The following OR6C4 variants were observed in gnomAD, a reference collection of about 807,000 sequenced individuals.
OR6C4 encodes the protein olfactory receptor family 6 subfamily C member 4.
A neutral mutation model predicts 15.1 loss-of-function variants in OR6C4; 20 were observed. That is an observed-to-expected ratio of 1.32 (90% CI 0.93 to 1.92). The LOEUF (loss-of-function observed/expected upper bound fraction) is 1.92. Ranked by LOEUF, OR6C4 falls within the 30% of genes most tolerant of loss-of-function variation. The probability of loss-of-function intolerance (pLI) is 0.00; values close to 1 mark genes in which losing one functional copy is unlikely to be tolerated. For synonymous variants in OR6C4, 179 were observed against 134.2 expected (o/e 1.33, Z -2.31); for missense variants, 491 against 363.2 (o/e 1.35, Z -2.86).
At position 55,550,065 on chromosome 12, in the gene OR6C4, A is replaced by G. The variant is rs1409641303; in HGVS notation, c.-72A>G. On this transcript the variant is annotated 5_prime_UTR_variant, in exon 1 of 2. An upstream start codon of the reference 5' UTR is lost. Coordinates refer to ENST00000641569, the MANE Select transcript of OR6C4 (RefSeq NM_001005494.2). ...TCATTCTATAAATGTGGATCATGAA[A>G]TGAATCAACTGTGAAAATCTGGAAG... The G allele has an allele frequency of 2.0e-5, 3 of 152,216 alleles. No individual in the cohort carries two copies. The highest frequency in any genetic ancestry group is 2.9e-5 in the Non-Finnish European group (2 of 68,030). The allele number at this position is 152,216 out of a possible 1,614,324, so 9.4% of individuals were successfully genotyped here. A position where few individuals can be genotyped will look rare whatever the true frequency, so the allele number is the denominator to read the frequency against.
chr12:55,555,162 G>C lies in OR6C4; in HGVS notation c.*3006G>C, dbSNP rs540293231. The C allele has an allele frequency of 6.6e-6, 1 of 152,168 alleles. No homozygotes were observed. Among genetic ancestry groups the C allele is most frequent in the African/African-American group, 2.4e-5 (1 of 41,526 alleles). 9.4% of individuals were successfully genotyped at this position (152,168 alleles called of 1,614,324 possible). A position where few individuals can be genotyped will look rare whatever the true frequency, so the allele number is the denominator to read the frequency against. ...AAGGCTGAAGCACAAGAATCACTTG[G>C]AGTACAAGTGGCCTTTTGTTACATC... is the stretch of plus-strand genomic sequence containing the variant. On this transcript the variant is annotated 3_prime_UTR_variant, in exon 2 of 2. Coordinates refer to ENST00000641569, the MANE Select transcript of OR6C4 (RefSeq NM_001005494.2).
At position 55,551,914 on chromosome 12, in the gene OR6C4, C is replaced by A. The variant is rs143772830; in HGVS notation, c.688C>A (p.Gln230Lys). 1,681 of 1,613,750 alleles carry A rather than the reference C, an allele frequency of 1.0e-3. 20 individuals carry two copies. In the African/African-American group the frequency reaches 0.019, roughly 19 times the overall value. Residue 230 changes from glutamine (Q) to lysine (K), a missense_variant, in exon 2 of 2, where the codon CAG becomes AAG. Coordinates refer to ENST00000641569, the MANE Select transcript of OR6C4 (RefSeq NM_001005494.2). ...GACTATTCTGAGGATCCCTTCTGCC[C>A]AGCAAAGGACAAAGGCCTTTTCCAC... ...IRTILRIPSA[Q>K]QRTKAFSTCS... is the part of the protein sequence containing the mutation.
rs765422792 is a variant in OR6C4, at chr12:55,551,713, C to A, written c.487C>A (p.Gln163Lys). The A allele has an allele frequency of 6.2e-7, 1 of 1,613,874 alleles. No homozygotes were observed. The highest frequency in any genetic ancestry group is 8.5e-7 in the Non-Finnish European group (1 of 1,179,900). The change falls in exon 2 of 2, where the codon CAG becomes AAG. Residue 163 changes from glutamine to lysine, a missense_variant. Coordinates refer to ENST00000641569, the MANE Select transcript of OR6C4 (RefSeq NM_001005494.2). ...CTTACCACCAATCATCCTGATGACC[C>A]AGGTAGATTTCTGTGTCTCCAACAT... ...AILPPIILMT[Q>K]VDFCVSNILN...
intron 1 of OR6C4, among the ~76,000 whole-genome samples, chr12:55,550,721 G>A (rs112129706): frequency 2.0e-5 from 3 of 152,262 alleles, no homozygotes; most frequent in African/African-American, 7.2e-5. Context: ...GGATGTCAGA[G>A]ATTTGGACAG....
intron 1 of OR6C4, among the ~76,000 whole-genome samples, chr12:55,550,770 C>T (rs1009997177): frequency 4.6e-5 from 7 of 151,924 alleles, no homozygotes; most frequent in African/African-American, 1.7e-4. Context: ...TCCAGTGAGG[C>T]ATCAAATAGT....
At chr12:55,550,586 A>G (rs1384283799) in intron 1 of OR6C4, among the ~76,000 whole-genome samples, 2 of 152,316 alleles carry the variant, frequency 1.3e-5, no homozygotes, top group East Asian at 3.9e-4. Flanking sequence ...GAAACATAAA[A>G]TGTAAATTAA....
chr12:55,552,120 T>C lies in OR6C4; in HGVS notation c.894T>C (p.Ala298=). The part of the protein sequence containing the change: ...YTLRNQQVKQ[A]FKDSVKKIVK... ...TAAGAAATCAGCAAGTGAAACAAGC[T>C]TTCAAGGACTCAGTCAAAAAGATTG... Residue 298 remains alanine (A), a synonymous_variant, in exon 2 of 2, where the codon GCT becomes GCC. Coordinates refer to ENST00000641569, the MANE Select transcript of OR6C4 (RefSeq NM_001005494.2). The C allele has an allele frequency of 6.2e-7, 1 of 1,604,684 alleles. No homozygotes were observed. Among genetic ancestry groups the C allele is most frequent in the Admixed American group, 1.7e-5 (1 of 57,442 alleles).
chr12:55,555,175 C>T lies in OR6C4; in HGVS notation c.*3019C>T, dbSNP rs1005510533. 8 of 152,190 alleles carry T rather than the reference C, an allele frequency of 5.3e-5. No homozygotes were observed. Among genetic ancestry groups the T allele is most frequent in the Admixed American group, 5.2e-4 (8 of 15,270 alleles). The allele number at this position is 152,190 out of a possible 1,614,324, so 9.4% of individuals were successfully genotyped here. On this transcript the variant is annotated 3_prime_UTR_variant, in exon 2 of 2. Transcript: ENST00000641569. The stretch of plus-strand genomic sequence containing the variant: ...AAGAATCACTTGGAGTACAAGTGGC[C>T]TTTTGTTACATCAGTGAATTAAATA...
rs887294142 is a variant in OR6C4, at chr12:55,553,843, T to C, written c.*1687T>C. 6.6e-6 allele frequency: 1 copy of C among 152,172 alleles called. No individual in the cohort carries two copies. The highest frequency in any genetic ancestry group is 2.4e-5 in the African/African-American group (1 of 41,454). The allele number at this position is 152,172 out of a possible 1,614,324, so 9.4% of individuals were successfully genotyped here. ...TTACTTGATCTCTCTAAGGCTCACCTCTGTCAACTCTAAAATGTTTACAAT... is the reference window on the plus strand; with the variant it reads ...TTACTTGATCTCTCTAAGGCTCACCCCTGTCAACTCTAAAATGTTTACAAT... On this transcript the variant is annotated 3_prime_UTR_variant, in exon 2 of 2. Coordinates refer to ENST00000641569, the MANE Select transcript of OR6C4 (RefSeq NM_001005494.2).
Position 55,551,314 on chromosome 12 carries a change from T to C in OR6C4, c.88T>C (p.Phe30Leu), listed in dbSNP as rs1412589143. ...ELQVMIFIFL[F>L]LTYMLSILGN... ...CCAAGTGATGATATTCATCTTTCTG[T>C]TCCTCACCTACATGCTAAGTATCCT... is the stretch of plus-strand genomic sequence containing the variant. Residue 30 changes from phenylalanine to leucine, a missense_variant, in exon 2 of 2, where the codon TTC (phenylalanine) becomes CTC (leucine). Phe to Leu is a conservative substitution (Grantham distance 22). Transcript: ENST00000641569. The C allele has an allele frequency of 1.2e-6, 2 of 1,613,610 alleles. No homozygotes were observed. Among genetic ancestry groups the C allele is most frequent in the Non-Finnish European group, 1.7e-6 (2 of 1,179,624 alleles).
Position 55,552,009 on chromosome 12 carries a change from T to G in OR6C4, c.783T>G (p.Ser261=). ...GCATGTTTATGTACATTAATCCTTC[T>G]GCAAAAGAAGGAGGTGCTTTCAACA... The part of the protein sequence containing the change: ...GSCMFMYINP[S]AKEGGAFNKG... The change falls in exon 2 of 2, where the codon TCT becomes TCG. Residue 261 remains serine (S), a synonymous_variant. Coordinates refer to ENST00000641569, the MANE Select transcript of OR6C4 (RefSeq NM_001005494.2). The G allele has an allele frequency of 6.2e-7, 1 of 1,613,808 alleles. No individual in the cohort carries two copies. Among genetic ancestry groups the G allele is most frequent in the East Asian group, 2.2e-5 (1 of 44,860 alleles).
In OR6C4 at chr12:55,555,108, G is replaced by A. The variant is rs1332568495; in HGVS notation, c.*2952G>A. 2 of 152,160 alleles carry A rather than the reference G, an allele frequency of 1.3e-5. No homozygotes were observed. Among genetic ancestry groups the A allele is most frequent in the Non-Finnish European group, 2.9e-5 (2 of 68,036 alleles). 9.4% of individuals were successfully genotyped at this position (152,160 alleles called of 1,614,324 possible). On this transcript the variant is annotated 3_prime_UTR_variant, in exon 2 of 2. Transcript: ENST00000641569. ...AATACAAAAATCAGCCAGGCATGGT[G>A]ATGCGTGCCTGTAATTCCAGCTACT...
Position 55,552,184 on chromosome 12 carries a change from T to A in OR6C4, c.*28T>A. The A allele has an allele frequency of 1.3e-6, 2 of 1,482,186 alleles. No individual in the cohort carries two copies. The highest frequency in any genetic ancestry group is 1.8e-6 in the Non-Finnish European group (2 of 1,089,046). 91.8% of individuals were successfully genotyped at this position (1,482,186 alleles called of 1,614,324 possible). ...AAGGAGATTACACTTCAAAATACAT[T>A]TTCACTTAACAAATATGCATTGAAT... is the stretch of plus-strand genomic sequence containing the variant. On this transcript the variant is annotated 3_prime_UTR_variant, in exon 2 of 2. Transcript: ENST00000641569.
rs1873936293 is a variant in OR6C4 at position 55,553,608 on chromosome 12, G to A, written c.*1452G>A. ...TTCTTTGGTTGCTAGCTAGAGATTA[G>A]TGATAATATTCAATATATTCCAAAT... is the stretch of plus-strand genomic sequence containing the variant. On this transcript the variant is annotated 3_prime_UTR_variant, in exon 2 of 2. Transcript: ENST00000641569. The A allele has an allele frequency of 6.6e-6, 1 of 152,146 alleles. No individual in the cohort carries two copies. The highest frequency in any genetic ancestry group is 1.5e-5 in the Non-Finnish European group (1 of 68,026). The allele number at this position is 152,146 out of a possible 1,614,324, so 9.4% of individuals were successfully genotyped here.
rs752430430 is a variant in OR6C4 at position 55,552,056 on chromosome 12, C to A, written c.830C>A (p.Thr277Asn). 1.9e-6 allele frequency: 3 copies of A among 1,613,342 alleles called. No individual in the cohort carries two copies. Among genetic ancestry groups the A allele is most frequent in the South Asian group, 2.2e-5 (2 of 91,050 alleles). ...AACAAAGGAATAGCTGTACTCATTA[C>A]TTCGGTTACTCCCTTACTGAATCCC... ...AFNKGIAVLI[T>N]SVTPLLNPFI... Residue 277 changes from threonine (T) to asparagine (N), a missense_variant, in exon 2 of 2, where the codon ACT becomes AAT. Physicochemically the swap from Thr to Asn is moderately conservative, Grantham distance 65. Coordinates refer to ENST00000641569, the MANE Select transcript of OR6C4 (RefSeq NM_001005494.2).
Position 55,551,381 on chromosome 12 carries a change from A to G in OR6C4, c.155A>G (p.His52Arg). Reference protein sequence around the residue: ...TIITLTLLDPHLQTPMYFFLR... With the variant: ...TIITLTLLDPRLQTPMYFFLR... ...ATCACCCTCACCTTACTAGACCCCC[A>G]CCTCCAGACCCCCATGTATTTCTTC... The change falls in exon 2 of 2, where the codon CAC becomes CGC. Residue 52 changes from histidine to arginine, a missense_variant. His to Arg is a conservative substitution (Grantham distance 29). Transcript: ENST00000641569. The G allele has an allele frequency of 1.2e-6, 2 of 1,613,120 alleles. No individual in the cohort carries two copies. The highest frequency in any genetic ancestry group is 1.1e-5 in the South Asian group (1 of 91,016).
At position 55,554,199 on chromosome 12, in the gene OR6C4, T is replaced by A. The variant is rs1873954145; in HGVS notation, c.*2043T>A. The A allele has an allele frequency of 6.6e-6, 1 of 152,154 alleles. No homozygotes were observed. The highest frequency in any genetic ancestry group is 1.9e-4 in the East Asian group (1 of 5,192). The allele number at this position is 152,154 out of a possible 1,614,324, so 9.4% of individuals were successfully genotyped here. A position where few individuals can be genotyped will look rare whatever the true frequency, so the allele number is the denominator to read the frequency against. ...CTTCAGATAAAGCCATCAAAATACTTGGCAGCAGGTTATAAGAACTGGGCT... is the reference window on the plus strand; with the variant it reads ...CTTCAGATAAAGCCATCAAAATACTAGGCAGCAGGTTATAAGAACTGGGCT... On this transcript the variant is annotated 3_prime_UTR_variant, in exon 2 of 2. Coordinates refer to ENST00000641569, the MANE Select transcript of OR6C4 (RefSeq NM_001005494.2).
rs7313899 is a variant in OR6C4 at position 55,551,335 on chromosome 12, A to G, written c.109A>G (p.Ile37Val). 0.99 allele frequency: 1,592,512 copies of G among 1,613,816 alleles called. 785,806 individuals are homozygous for G. Among genetic ancestry groups the G allele is most frequent in the East Asian group, 1 (44,875 of 44,876 alleles). The change falls in exon 2 of 2, where the codon ATC becomes GTC. Residue 37 changes from isoleucine (I) to valine (V), a missense_variant. By Grantham distance (29) the Ile-to-Val change is conservative (BLOSUM62 3). Coordinates refer to ENST00000641569, the MANE Select transcript of OR6C4 (RefSeq NM_001005494.2). ...IFLFLTYMLS[I>V]LGNLTIITLT... ...TCTGTTCCTCACCTACATGCTAAGTATCCTAGGAAATCTGACTATTATCAC... is the reference window on the plus strand; with the variant it reads ...TCTGTTCCTCACCTACATGCTAAGTGTCCTAGGAAATCTGACTATTATCAC...
intron 1 of OR6C4, among the ~76,000 whole-genome samples, chr12:55,550,739 G>T (rs1364888970): frequency 1.3e-5 from 2 of 152,114 alleles, no homozygotes; most frequent in African/African-American, 4.8e-5. Context: ...CAGTAATGGA[G>T]ATAAGGATCT....
Sources: gnomAD v4.1 joint callset for allele counts (sites outside exome capture counted in the v4.1 genomes callset) on GRCh38, gnomAD v4.1.1 for gene constraint, MANE v1.5 for transcripts, NCBI Gene and HGNC (gene_info 2026-07-23, HGNC 2026-07-21) for gene names.